ZCCHC7: variants seen among roughly 807,000 people sequenced by gnomAD.
ZCCHC7 encodes zinc finger CCHC domain-containing protein 7.
Under a neutral mutation model 52.0 loss-of-function variants are expected in ZCCHC7, and 35 were observed. The observed-to-expected ratio is 0.67, with a 90% CI of 0.51 to 0.89. The LOEUF is 0.89. ZCCHC7 is among the 40% of genes least tolerant of loss of function. The pLI is 0.00. For synonymous variants in ZCCHC7, 217 were observed against 221.5 expected, an observed-to-expected ratio of 0.98 and a Z score of 0.18; for missense variants, 574 against 649.1, an observed-to-expected ratio of 0.88 and a Z score of 1.26.
chr9:37,183,984 C>A (rs1160664140), intron 2 of ZCCHC7, among the ~76,000 whole-genome samples: 3 of 152,144 alleles, frequency 2.0e-5, no homozygotes, highest in African/African-American at 7.2e-5. Flanking sequence ...CCCTCCTTTC[C>A]CTGCACAGTA....
intron 6 of ZCCHC7, among the ~76,000 whole-genome samples, chr9:37,348,347 G>GTTCGTTCGTTCT (rs370166957): frequency 9.6e-5 from 13 of 135,592 alleles, no homozygotes; most frequent in African/African-American, 3.9e-4. Flanking sequence ...ATACCAGTTC[G>GTTCGTTCGTTCT]TTCTTTCTTT....
chr9:37,122,703 T>G (rs1423542292), intron 1 of ZCCHC7, among the ~76,000 whole-genome samples: 1 of 152,128 alleles, frequency 6.6e-6, no homozygotes, highest in Non-Finnish European at 1.5e-5. Context: ...ACTTTGGGAG[T>G]CCGAGTGGGG....
chr9:37,212,320 A>T (rs929223368), intron 2 of ZCCHC7, among the ~76,000 whole-genome samples: 2 of 152,088 alleles, frequency 1.3e-5, no homozygotes, highest in African/African-American at 4.8e-5. Context: ...TAAAAAAAAA[A>T]TTTTACTTAG....
intron 2 of ZCCHC7, among the ~76,000 whole-genome samples, chr9:37,240,330 A>G (rs1195945308): frequency 2.0e-5 from 3 of 151,906 alleles, no homozygotes; most frequent in Admixed American, 6.6e-5. Context: ...AGAATATTAA[A>G]TTTATATTTA....
intron 2 of ZCCHC7, among the ~76,000 whole-genome samples, chr9:37,177,177 T>A (rs1285085745): frequency 6.6e-6 from 1 of 151,970 alleles, no homozygotes. Context: ...CCGTCTCTAC[T>A]GAAAATACTT....
At chr9:37,304,030 G>A (rs1402311792) in intron 3 of ZCCHC7, among the ~76,000 whole-genome samples, 158 bp from the exon 4 acceptor site, 3 of 152,204 alleles carry the variant, frequency 2.0e-5, no homozygotes, top group African/African-American at 7.2e-5. Flanking sequence ...AAGTTGAACA[G>A]ATATAACTAA....
intron 2 of ZCCHC7, among the ~76,000 whole-genome samples, chr9:37,143,817 A>G (rs1244226140): frequency 6.6e-6 from 1 of 151,788 alleles, no homozygotes; most frequent in African/African-American, 2.4e-5. Flanking sequence ...CAATTAAGTT[A>G]TGTGTTCAGT....
At chr9:37,195,188 C>A (rs1284947356) in intron 2 of ZCCHC7, among the ~76,000 whole-genome samples, 2 of 151,958 alleles carry the variant, frequency 1.3e-5, no homozygotes, top group Admixed American at 1.3e-4. Context: ...CTCAGGAGAT[C>A]CGCCCACCTC....
Position 37,122,213 on chromosome 9 carries a change from G to A in ZCCHC7, c.-22+1590G>A, listed in dbSNP as rs561769691. Among the ~76,000 whole-genome samples, 16 of 152,332 alleles carry A rather than the reference G, an allele frequency of 1.1e-4. No homozygotes were observed. In the East Asian group the frequency reaches 2.9e-3, roughly 27 times the overall value. ...AGAGCAGAAGGATTGATTAAAGACT[G>A]TGTTAAGTAAATGCTGAAAGCTTAA... On this transcript the variant is annotated intron_variant, in intron 1 of 8. Coordinates refer to ENST00000336755, the MANE Select transcript of ZCCHC7 (RefSeq NM_032226.3).
At chr9:37,273,148 T>C (rs1827508197) in intron 2 of ZCCHC7, among the ~76,000 whole-genome samples, 2 of 152,178 alleles carry the variant, frequency 1.3e-5, no homozygotes, top group Admixed American at 1.3e-4. Context: ...TAGAGTTGTG[T>C]AGTTGGCAAC....
chr9:37,130,005 G>A (rs917020723), intron 2 of ZCCHC7, among the ~76,000 whole-genome samples: 4 of 152,118 alleles, frequency 2.6e-5, no homozygotes, highest in Non-Finnish European at 2.9e-5. Flanking sequence ...TTGAGAGGCC[G>A]AGGCGGGTGG....
chr9:37,316,340 A>C (rs1829821237), intron 5 of ZCCHC7, among the ~76,000 whole-genome samples: 2 of 151,440 alleles, frequency 1.3e-5, no homozygotes, highest in Admixed American at 1.3e-4. Context: ...GATTACAGGC[A>C]TGAGCCAATG....
rs150287527 is a variant in ZCCHC7, at chr9:37,230,099, G to A, written c.611-72089G>A. Among the ~76,000 whole-genome samples the A allele has an allele frequency of 2.6e-3, 399 of 152,220 alleles. 2 individuals carry two copies. Among genetic ancestry groups the A allele is most frequent in the African/African-American group, 9.0e-3 (375 of 41,524 alleles). ...ACACACAGAACAGTCATCTCCTGTG[G>A]TAAAAATGACTTCTGGAATTCCTCT... is the stretch of plus-strand genomic sequence containing the variant. On this transcript the variant is annotated intron_variant, in intron 2 of 8. Coordinates refer to ENST00000336755, the MANE Select transcript of ZCCHC7 (RefSeq NM_032226.3).
At chr9:37,285,069 C>A (rs1828144721) in intron 2 of ZCCHC7, among the ~76,000 whole-genome samples, 1 of 151,902 alleles carries the variant, frequency 6.6e-6, no homozygotes, top group Non-Finnish European at 1.5e-5. Flanking sequence ...GGGAGCGTTT[C>A]ATTTATTTAT....
At chr9:37,280,073 G>A (rs1316764006) in intron 2 of ZCCHC7, among the ~76,000 whole-genome samples, 1 of 151,988 alleles carries the variant, frequency 6.6e-6, no homozygotes, top group African/African-American at 2.4e-5. Flanking sequence ...CCCGGGAGGC[G>A]GAGCTTGCAG....
intron 2 of ZCCHC7, among the ~76,000 whole-genome samples, chr9:37,252,503 C>T (rs1268337897): frequency 6.6e-6 from 1 of 151,908 alleles, no homozygotes; most frequent in Non-Finnish European, 1.5e-5. Flanking sequence ...TCTATTGTCC[C>T]CCGGATATTT....
At chr9:37,267,089 A>C (rs1459867888) in intron 2 of ZCCHC7, among the ~76,000 whole-genome samples, 1 of 152,184 alleles carries the variant, frequency 6.6e-6, no homozygotes, top group African/African-American at 2.4e-5. Context: ...ATTCAGGCCC[A>C]GTTTCAAAGG....
At chr9:37,352,181 T>G (rs1168647023) in intron 7 of ZCCHC7, among the ~76,000 whole-genome samples, 1 of 152,238 alleles carries the variant, frequency 6.6e-6, no homozygotes, top group East Asian at 1.9e-4. Flanking sequence ...GTCTAGACCA[T>G]ACAAGACCCA....
intron 6 of ZCCHC7, among the ~76,000 whole-genome samples, chr9:37,329,316 CAG>C (rs748997197): frequency 8.6e-5 from 13 of 151,338 alleles, no homozygotes; most frequent in Non-Finnish European, 1.6e-4. Flanking sequence ...TTCAATGTAA[CAG>C]AAATATTTGA....
Sources: allele counts gnomAD v4.1 joint callset (sites outside exome capture counted in the v4.1 genomes callset), GRCh38; gene constraint gnomAD v4.1.1; transcripts MANE v1.5; gene names NCBI Gene and HGNC (gene_info 2026-07-23, HGNC 2026-07-21).